Variants in CYBRD1 observed in about 807,000 individuals in gnomAD.
CYBRD1 encodes the protein plasma membrane ascorbate-dependent reductase CYBRD1.
Under a neutral mutation model 21.9 loss-of-function variants are expected in CYBRD1, and 14 were observed. That is an observed-to-expected ratio of 0.64 (90% CI 0.42 to 1.00). The LOEUF (loss-of-function observed/expected upper bound fraction) is 1.00, where lower values mean the gene tolerates loss of function less well. Ranked by LOEUF, CYBRD1 falls within the 50% of genes least tolerant of loss-of-function variation. The probability of loss-of-function intolerance (pLI) is 0.00; values close to 1 mark genes in which losing one functional copy is unlikely to be tolerated. For synonymous variants in CYBRD1, 146 were observed against 136.5 expected (o/e 1.07, Z -0.48); for missense variants, 328 against 352.5 (o/e 0.93, Z 0.56).
At chr2:171,527,801 G>A (rs1250574689) in intron 1 of CYBRD1, among the ~76,000 whole-genome samples, 1 of 151,990 alleles carries the variant, frequency 6.6e-6, no homozygotes, top group Non-Finnish European at 1.5e-5. Flanking sequence ...AATCACTCTT[G>A]ACCCTGTATA....
chr2:171,554,677 A>C lies in CYBRD1; in HGVS notation c.711A>C (p.Pro237=). The change falls in exon 4 of 4, where the codon CCA becomes CCC. Residue 237 remains proline (P), a synonymous_variant. Transcript: ENST00000321348. ...AGCCAAATTCTACCATTCTTCATCC[A>C]AATGGAGGCACTGAACAGGGAGCAA... ...PKEPNSTILH[P]NGGTEQGARG... The C allele has an allele frequency of 1.2e-6, 2 of 1,614,072 alleles. No individual in the cohort carries two copies. The highest frequency in any genetic ancestry group is 1.7e-6 in the Non-Finnish European group (2 of 1,179,974).
intron 1 of CYBRD1, among the ~76,000 whole-genome samples, chr2:171,531,526 C>T (rs947060923): frequency 2.0e-5 from 3 of 152,114 alleles, no homozygotes; most frequent in Non-Finnish European, 4.4e-5. Context: ...TGACTCACTG[C>T]AGCCTCGACC....
intron 2 of CYBRD1, among the ~76,000 whole-genome samples, chr2:171,548,130 A>AT (rs902220766): frequency 8.6e-5 from 13 of 151,536 alleles, no homozygotes; most frequent in South Asian, 2.1e-4. Flanking sequence ...TTTATTTTTA[A>AT]TTTTTTTTTA....
At chr2:171,548,527 T>C (rs1697751334) in intron 2 of CYBRD1, among the ~76,000 whole-genome samples, 1 of 151,384 alleles carries the variant, frequency 6.6e-6, no homozygotes, top group Non-Finnish European at 1.5e-5. Context: ...GCAAAACGTA[T>C]GTGGAATGAA....
chr2:171,523,086 T>G (rs1048295436), intron 1 of CYBRD1: 34 of 338,736 alleles, frequency 1.0e-4, no homozygotes, highest in African/African-American at 7.7e-4. Context: ...CCCAGAAACT[T>G]GAGCCCGGGC....
intron 2 of CYBRD1, among the ~76,000 whole-genome samples, chr2:171,545,764 G>A (rs1216020836): frequency 6.6e-6 from 1 of 151,922 alleles, no homozygotes; most frequent in Non-Finnish European, 1.5e-5. Flanking sequence ...TTTGATAAAA[G>A]TATACAATGG....
At chr2:171,546,744 G>A (rs1387769070) in intron 2 of CYBRD1, among the ~76,000 whole-genome samples, 1 of 152,088 alleles carries the variant, frequency 6.6e-6, no homozygotes, top group Non-Finnish European at 1.5e-5. Flanking sequence ...TCATATAGGG[G>A]ATAAAGGAAG....
chr2:171,522,663 TG>T lies in CYBRD1; in HGVS notation c.121del (p.Asp41MetfsTer5). The T allele has an allele frequency of 6.2e-7, 1 of 1,613,270 alleles. No homozygotes were observed. ...WVLHYREGLG[W>X]DGSALEFNWH... ...CCTCCACTACCGAGAGGGGCTTGGC[TG>T]GGATGGGAGCGCACTAGAGTTTAAC... On this transcript the variant is annotated frameshift_variant, in exon 1 of 4. Coordinates refer to ENST00000321348, the MANE Select transcript of CYBRD1 (RefSeq NM_024843.4). LOFTEE classifies it high-confidence loss of function. The surrounding 1 kb of genome is among the most constrained non-coding windows in gnomAD (Gnocchi z 4.3).
rs564163035 is a variant in CYBRD1 at position 171,557,319 on chromosome 2, C to G, written c.*2492C>G. ...AGAAGAAAGCCTTAGGTATCAATTC[C>G]AAAACAGTGATTGAAATTTCCCAAA... is the stretch of plus-strand genomic sequence containing the variant. On this transcript the variant is annotated 3_prime_UTR_variant, in exon 4 of 4. Transcript: ENST00000321348. 12 of 152,130 alleles carry G rather than the reference C, an allele frequency of 7.9e-5. No individual in the cohort carries two copies. Among genetic ancestry groups the G allele is most frequent in the African/African-American group, 2.7e-4 (11 of 41,498 alleles). The allele number at this position is 152,130 out of a possible 1,614,324, so 9.4% of individuals were successfully genotyped here.
At chr2:171,535,032 C>T (rs1175329137) in intron 1 of CYBRD1, among the ~76,000 whole-genome samples, 1 of 152,012 alleles carries the variant, frequency 6.6e-6, no homozygotes, top group Non-Finnish European at 1.5e-5. Context: ...CAGAGTGAGA[C>T]CCTGTCTCAA....
At chr2:171,543,239 G>A (rs575876909) in intron 2 of CYBRD1, among the ~76,000 whole-genome samples, 1 of 152,262 alleles carries the variant, frequency 6.6e-6, no homozygotes, top group Admixed American at 6.5e-5. Context: ...GCCTTCCAGG[G>A]CTCTGATTGG....
rs796413153 is a variant in CYBRD1, at chr2:171,541,866, T to C, written c.402+73T>C. The C allele has an allele frequency of 5.9e-3, 7,248 of 1,235,178 alleles. 11 individuals are homozygous for C. The highest frequency in any genetic ancestry group is 8.6e-3 in the South Asian group (597 of 69,148). 76.5% of individuals were successfully genotyped at this position (1,235,178 alleles called of 1,614,324 possible). A position where few individuals can be genotyped will look rare whatever the true frequency, so the allele number is the denominator to read the frequency against. ...GACTGTAAATGTTTTCTTTTCTTTTTTTTTTTTTTTTTTTTTGAGACAGAG... is the reference window on the plus strand; with the variant it reads ...GACTGTAAATGTTTTCTTTTCTTTTCTTTTTTTTTTTTTTTTGAGACAGAG... On this transcript the variant is annotated intron_variant, in intron 2 of 3. Transcript: ENST00000321348.
rs779693212 is a variant in CYBRD1 at position 171,522,600 on chromosome 2, G to C, written c.55G>C (p.Val19Leu). The stretch of plus-strand genomic sequence containing the variant: ...GGCGCTGCTGGGGTCGGCACTGCTC[G>C]TCGGCTTCCTGTCGGTGATCTTCGC... ...FLALLGSALL[V>L]GFLSVIFALV... is the part of the protein sequence containing the mutation. The change falls in exon 1 of 4, where the codon GTC becomes CTC. Residue 19 changes from valine to leucine, a missense_variant. Coordinates refer to ENST00000321348, the MANE Select transcript of CYBRD1 (RefSeq NM_024843.4). This position sits in a 1 kb window ranked among gnomAD's most constrained non-coding sequence, Gnocchi z 4.3. 1.9e-6 allele frequency: 3 copies of C among 1,612,586 alleles called. No homozygotes were observed. Among genetic ancestry groups the C allele is most frequent in the Admixed American group, 1.7e-5 (1 of 59,860 alleles).
intron 1 of CYBRD1, among the ~76,000 whole-genome samples, chr2:171,533,527 T>C (rs1697501384): frequency 6.6e-6 from 1 of 152,120 alleles, no homozygotes; most frequent in African/African-American, 2.4e-5. Flanking sequence ...TTTCCATGTT[T>C]GGGGACATTT....
chr2:171,543,832 T>G (rs1456895393), intron 2 of CYBRD1, among the ~76,000 whole-genome samples: 1 of 152,218 alleles, frequency 6.6e-6, no homozygotes. Context: ...TATTCCACTG[T>G]ATAAATATGC....
chr2:171,535,937 G>A (rs1045721614), intron 1 of CYBRD1, among the ~76,000 whole-genome samples: 1 of 152,008 alleles, frequency 6.6e-6, no homozygotes, highest in Non-Finnish European at 1.5e-5. Flanking sequence ...GCTGTGCCTG[G>A]CCCCCACACT....
rs75763480 is a variant in CYBRD1 at position 171,549,075 on chromosome 2, T to G, written c.403-4271T>G. Among the ~76,000 whole-genome samples, 873 of 150,336 alleles carry G rather than the reference T, an allele frequency of 5.8e-3. 5 individuals carry two copies. The highest frequency in any genetic ancestry group is 0.02 in the African/African-American group (835 of 41,246). Reference sequence around the variant, plus strand: ...ATTTAAGATGGAAACTTTATTCTATTCTATTCTATTTATTTATTTATTTAC... The same window carrying G: ...ATTTAAGATGGAAACTTTATTCTATGCTATTCTATTTATTTATTTATTTAC... On this transcript the variant is annotated intron_variant, in intron 2 of 3. Transcript: ENST00000321348.
intron 1 of CYBRD1, chr2:171,523,231 C>A (rs1380249419): frequency 2.0e-5 from 8 of 405,428 alleles, no homozygotes; most frequent in Non-Finnish European, 4.0e-5. Context: ...TGCTTCCAGG[C>A]TGCAGATGAG....
intron 1 of CYBRD1, chr2:171,539,729 CT>C (rs11463294): frequency 0.13 from 18,939 of 145,446 alleles, 1,343 homozygotes; most frequent in Non-Finnish European, 0.18. Context: ...CTTTTGTTTT[CT>C]TTTTTTTTTT....
Sources: gnomAD v4.1 joint callset for allele counts (sites outside exome capture counted in the v4.1 genomes callset) on GRCh38, gnomAD v4.1.1 for gene constraint, Gnocchi (gnomAD v3.1) non-coding constraint, MANE v1.5 for transcripts, NCBI Gene and HGNC (gene_info 2026-07-23, HGNC 2026-07-21) for gene names.